ANO5: variants seen among roughly 807,000 people sequenced by gnomAD.
ANO5 encodes the protein anoctamin 5.
In ANO5, 109 loss-of-function variants were observed where a neutral mutation model predicts 121.0. The observed-to-expected ratio is 0.90, with a 90% confidence interval of 0.77 to 1.06. The LOEUF (loss-of-function observed/expected upper bound fraction) is 1.06. Ranked by LOEUF, ANO5 falls within the 50% of genes least tolerant of loss-of-function variation. The pLI is 0.00. For missense variants in ANO5, 1,064 were observed against 1,078.5 expected, an observed-to-expected ratio of 0.99 and a Z score of 0.19; for synonymous variants, 406 against 359.9, an observed-to-expected ratio of 1.13 and a Z score of -1.45.
At chr11:22,275,956 A>G in intron 20 of ANO5, 138 bp from the exon 21 acceptor site, 1 of 641,978 alleles carries the variant, frequency 1.6e-6, no homozygotes, top group Non-Finnish European at 2.8e-6. Flanking sequence ...ATGTTTCATA[A>G]TATCAGTTAA....
intron 1 of ANO5, among the ~76,000 whole-genome samples, chr11:22,195,742 A>AGTGTCTGGTAAGGGC (rs1851791078): frequency 3.3e-5 from 5 of 152,082 alleles, no homozygotes; most frequent in African/African-American, 9.7e-5. Flanking sequence ...ACACTCCCCC[A>AGTGTCTGGTAAGGGC]TTTTAAAAAA....
chr11:22,226,130 G>T (rs1239678251), intron 6 of ANO5, 78 bp downstream of exon 6: 4 of 1,221,988 alleles, frequency 3.3e-6, no homozygotes, highest in Non-Finnish European at 4.8e-6. Context: ...TGCCTGGATA[G>T]ACTCTGTGTT....
In ANO5 at chr11:22,226,003, A is replaced by G. The variant is rs748258258; in HGVS notation, c.314A>G (p.Glu105Gly). The G allele has an allele frequency of 6.2e-7, 1 of 1,608,790 alleles. No homozygotes were observed. The highest frequency in any genetic ancestry group is 1.1e-5 in the South Asian group (1 of 90,950). ...ELKAERRKEFETNLRKTGLEL... is the reference protein window; with the variant it reads ...ELKAERRKEFGTNLRKTGLEL... Reference sequence around the variant, plus strand: ...TCATAGGAAAGAAGAAAAGAGTTTGAAACTAATCTCAGAAAAACAGGTCTT... The same window carrying G: ...TCATAGGAAAGAAGAAAAGAGTTTGGAACTAATCTCAGAAAAACAGGTCTT... Residue 105 changes from glutamate to glycine, a missense_variant, in exon 6 of 22, where the codon GAA becomes GGA. By Grantham distance (98) the Glu-to-Gly change is moderately conservative (BLOSUM62 -2). Transcript: ENST00000324559.
intron 5 of ANO5, among the ~76,000 whole-genome samples, chr11:22,225,523 T>C (rs1852794813): frequency 6.6e-6 from 1 of 152,100 alleles, no homozygotes; most frequent in Non-Finnish European, 1.5e-5. Context: ...TAATGACCTA[T>C]AGTTAAATGT....
intron 9 of ANO5, among the ~76,000 whole-genome samples, chr11:22,249,236 A>C (rs61880881): frequency 0.045 from 6,817 of 152,172 alleles, 223 homozygotes; most frequent in Non-Finnish European, 0.066. Context: ...CAATAAAGTT[A>C]ATATTGAATA....
chr11:22,215,067 G>A (rs1195027220), intron 3 of ANO5, among the ~76,000 whole-genome samples: 1 of 151,918 alleles, frequency 6.6e-6, no homozygotes, highest in Non-Finnish European at 1.5e-5. Context: ...ACCTATCTTA[G>A]AGTGACTACT....
rs1004667256 is a variant in ANO5, at chr11:22,262,938, C to T, written c.1801-8C>T. The T allele has an allele frequency of 4.4e-6, 7 of 1,603,382 alleles. No homozygotes were observed. The highest frequency in any genetic ancestry group is 6.0e-6 in the Non-Finnish European group (7 of 1,170,580). ...AATTCTGTTTTCTCCCCTCTTGCTTCTGACTAGTGTGATCCTGGAGGCTGT... is the reference window on the plus strand; with the variant it reads ...AATTCTGTTTTCTCCCCTCTTGCTTTTGACTAGTGTGATCCTGGAGGCTGT... On this transcript the variant is annotated splice_region_variant and splice_polypyrimidine_tract_variant and intron_variant, in intron 16 of 21. Transcript: ENST00000324559.
Position 22,257,675 on chromosome 11 carries a change from T to G in ANO5, c.1333-5T>G. On this transcript the variant is annotated splice_region_variant and splice_polypyrimidine_tract_variant and intron_variant, in intron 13 of 21. Coordinates refer to ENST00000324559, the MANE Select transcript of ANO5 (RefSeq NM_213599.3). ...AATTTCTTTGTGATTTCTTCAATAT[T>G]ACAGGAGATGGAACCTTACATGCCT... The G allele has an allele frequency of 1.9e-6, 3 of 1,605,274 alleles. No homozygotes were observed. Among genetic ancestry groups the G allele is most frequent in the Non-Finnish European group, 2.6e-6 (3 of 1,172,202 alleles).
chr11:22,214,366 GT>G (rs1229513148), intron 3 of ANO5, among the ~76,000 whole-genome samples: 1 of 151,922 alleles, frequency 6.6e-6, no homozygotes, highest in Non-Finnish European at 1.5e-5. Context: ...GGGAAGTTTG[GT>G]TTTTTTTAAA....
At position 22,207,726 on chromosome 11, in the gene ANO5, T is replaced by C. The variant is rs773792284; in HGVS notation, c.88-3538T>C. On this transcript the variant is annotated intron_variant, in intron 2 of 21. Transcript: ENST00000324559. ...TATTGTTCCCTGAAAGATCCTGTTA[T>C]GATGATGAACAGACAGGCTACAGAC... Among the ~76,000 whole-genome samples, 56 of 152,176 alleles carry C rather than the reference T, an allele frequency of 3.7e-4. 1 individual carries two copies. The highest frequency in any genetic ancestry group is 6.8e-4 in the Non-Finnish European group (46 of 67,970).
intron 3 of ANO5, among the ~76,000 whole-genome samples, chr11:22,216,173 G>C (rs906801249): frequency 2.6e-5 from 4 of 151,856 alleles, no homozygotes; most frequent in African/African-American, 9.7e-5. Flanking sequence ...TTTTAGAGAT[G>C]TATGTTTTCA....
intron 20 of ANO5, among the ~76,000 whole-genome samples, 161 bp from the exon 21 acceptor site, chr11:22,275,933 A>G (rs1408170626): frequency 6.6e-6 from 1 of 151,830 alleles, no homozygotes; most frequent in Non-Finnish European, 1.5e-5. Flanking sequence ...CTTTATGTGA[A>G]CAAGAAAGAT....
At chr11:22,202,644 G>A (rs1441365906) in intron 1 of ANO5, among the ~76,000 whole-genome samples, 3 of 152,128 alleles carry the variant, frequency 2.0e-5, no homozygotes, top group Non-Finnish European at 4.4e-5. Context: ...CATGATGGAA[G>A]AGGGAAAGCA....
At position 22,257,711 on chromosome 11, in the gene ANO5, G is replaced by A. The variant is rs772899863; in HGVS notation, c.1364G>A (p.Arg455His). The change falls in exon 14 of 22, where the codon CGT (arginine) becomes CAT (histidine). Residue 455 changes from arginine (R) to histidine (H), a missense_variant. Physicochemically the swap from Arg to His is conservative, Grantham distance 29. Coordinates refer to ENST00000324559, the MANE Select transcript of ANO5 (RefSeq NM_213599.3). ...GAACCTTACATGCCTCTATACACGC[G>A]TATTCCATGGTACTTTCTTTCAGGA... ...EMEPYMPLYT[R>H]IPWYFLSGAT... is the part of the protein sequence containing the mutation. The A allele has an allele frequency of 4.7e-5, 75 of 1,612,334 alleles. No individual in the cohort carries two copies. Among genetic ancestry groups the A allele is most frequent in the African/African-American group, 3.1e-4 (23 of 74,822 alleles).
intron 9 of ANO5, among the ~76,000 whole-genome samples, chr11:22,242,860 ACTT>A (rs1167531211): frequency 6.6e-6 from 1 of 152,192 alleles, no homozygotes; most frequent in South Asian, 2.1e-4. Flanking sequence ...AGATAGCTTT[ACTT>A]CTTCTTGTCC....
intron 18 of ANO5, among the ~76,000 whole-genome samples, chr11:22,271,742 ATTG>A (rs1854619948): frequency 6.6e-6 from 1 of 152,142 alleles, no homozygotes; most frequent in Admixed American, 6.5e-5. Flanking sequence ...TACACATTTT[ATTG>A]TTGTGAATTC....
intron 1 of ANO5, among the ~76,000 whole-genome samples, chr11:22,198,934 T>C (rs923632333): frequency 1.3e-5 from 2 of 152,164 alleles, no homozygotes; most frequent in Non-Finnish European, 2.9e-5. Context: ...TTTTGAGCTA[T>C]GTGTTTAGGC....
In ANO5 at chr11:22,270,177, G is replaced by T. The variant is rs1854555363; in HGVS notation, c.1899-135G>T. The T allele has an allele frequency of 7.6e-6, 9 of 1,187,940 alleles. No individual in the cohort carries two copies. In the Admixed American group the frequency reaches 1.7e-4, roughly 23 times the overall value. 73.6% of individuals were successfully genotyped at this position (1,187,940 alleles called of 1,614,324 possible). ...GATTTTGACTTGCGCTTTGGCTGGT[G>T]TCATTTCTCTTTGCTCTGTGATCTT... is the stretch of plus-strand genomic sequence containing the variant. On this transcript the variant is annotated intron_variant, in intron 17 of 21. Transcript: ENST00000324559.
intron 3 of ANO5, among the ~76,000 whole-genome samples, chr11:22,215,047 G>T (rs1485519819): frequency 1.3e-5 from 2 of 151,966 alleles, no homozygotes; most frequent in Non-Finnish European, 2.9e-5. Context: ...AAACTATTAT[G>T]CTTAAGAGAA....
Sources: allele counts gnomAD v4.1 joint callset (sites outside exome capture counted in the v4.1 genomes callset), GRCh38; gene constraint gnomAD v4.1.1; transcripts MANE v1.5; gene names NCBI Gene and HGNC (gene_info 2026-07-23, HGNC 2026-07-21).